Variants in SORCS2 observed in about 807,000 individuals in gnomAD.
SORCS2 encodes VPS10 domain-containing receptor SorCS2.
SORCS2 carries 100 observed loss-of-function variants against 141.6 expected under a neutral mutation model. That is an observed-to-expected ratio of 0.71 (90% CI 0.60 to 0.83). SORCS2 has a LOEUF of 0.83. Among genes scored for constraint, SORCS2 ranks in the 40% least tolerant of loss-of-function variants. The pLI is 0.00. For missense variants in SORCS2, 1,646 were observed against 1,560.2 expected (o/e 1.05, Z -0.93); for synonymous variants, 789 against 676.9 (o/e 1.17, Z -2.57).
intron 1 of SORCS2, among the ~76,000 whole-genome samples, chr4:7,221,568 G>C (rs917065308): frequency 2.0e-5 from 3 of 152,236 alleles, no homozygotes; most frequent in African/African-American, 7.2e-5. Context: ...CAGGGATGTC[G>C]GGTGGAGCAG....
In SORCS2 at chr4:7,567,366, G is replaced by A. The variant is rs77690951; in HGVS notation, c.648+35737G>A. Among the ~76,000 whole-genome samples the A allele has an allele frequency of 7.5e-3, 1,130 of 150,608 alleles. 16 individuals are homozygous for A. The highest frequency in any genetic ancestry group is 0.024 in the African/African-American group (983 of 40,444). ...TAGTCATTATGTCTGCTTCGGCTCCGCCTGGCTGTGACAGTTTCTCAGACT... is the reference window on the plus strand; with the variant it reads ...TAGTCATTATGTCTGCTTCGGCTCCACCTGGCTGTGACAGTTTCTCAGACT... On this transcript the variant is annotated intron_variant, in intron 3 of 26. Coordinates refer to ENST00000507866, the MANE Select transcript of SORCS2 (RefSeq NM_020777.3).
intron 4 of SORCS2, among the ~76,000 whole-genome samples, chr4:7,643,581 T>C (rs1720872757): frequency 6.6e-6 from 1 of 152,196 alleles, no homozygotes; most frequent in Admixed American, 6.5e-5. Flanking sequence ...GGAGGAGGAA[T>C]GTTCGAACAG....
chr4:7,433,202 C>T (rs539506664), intron 2 of SORCS2: 3 of 1,163,808 alleles, frequency 2.6e-6, no homozygotes, highest in South Asian at 5.9e-5. Flanking sequence ...CAGCTCTGCT[C>T]CTTCCCAGCC....
At chr4:7,389,323 G>A (rs532241532) in intron 1 of SORCS2, among the ~76,000 whole-genome samples, 1 of 152,120 alleles carries the variant, frequency 6.6e-6, no homozygotes, top group South Asian at 2.1e-4. Flanking sequence ...GTGTGATCCC[G>A]GGACAGGCGA....
intron 2 of SORCS2, among the ~76,000 whole-genome samples, chr4:7,530,325 G>A (rs1340435237): frequency 2.0e-5 from 3 of 152,220 alleles, no homozygotes; most frequent in African/African-American, 4.8e-5. Flanking sequence ...GCCAGGTGCT[G>A]GGGTCTGAGG....
Position 7,664,369 on chromosome 4 carries a change from C to T in SORCS2, c.969C>T (p.Thr323=). The change falls in exon 7 of 27, where the codon ACC becomes ACT. Residue 323 remains threonine (T), a synonymous_variant. Transcript: ENST00000507866. The surrounding 1 kb of genome is among the most constrained non-coding windows in gnomAD (Gnocchi z 4.7). ...CTCCTGTAGATTTTCGGTACGTCAC[C>T]TGCGCAATCCACAATTGCTCCGAGA... The part of the protein sequence containing the change: ...QDLGGDFRYV[T]CAIHNCSEKM... The T allele has an allele frequency of 6.2e-7, 1 of 1,613,762 alleles. No individual in the cohort carries two copies. The highest frequency in any genetic ancestry group is 8.5e-7 in the Non-Finnish European group (1 of 1,179,780).
At chr4:7,221,652 G>A (rs1344818499) in intron 1 of SORCS2, among the ~76,000 whole-genome samples, 1 of 152,212 alleles carries the variant, frequency 6.6e-6, no homozygotes, top group African/African-American at 2.4e-5. Flanking sequence ...GCGAAGGAAA[G>A]ACAGAAGCTT....
chr4:7,480,597 C>T (rs534453957), intron 2 of SORCS2, among the ~76,000 whole-genome samples: 13 of 152,358 alleles, frequency 8.5e-5, no homozygotes, highest in African/African-American at 2.6e-4. Context: ...TTGGCCTCAA[C>T]AGAGTGAGGA....
At chr4:7,617,173 A>G (rs930028002) in intron 3 of SORCS2, among the ~76,000 whole-genome samples, 3 of 152,106 alleles carry the variant, frequency 2.0e-5, no homozygotes, top group African/African-American at 7.2e-5. Context: ...CATCTATCCA[A>G]GTGCCATTGA....
chr4:7,705,245 A>G (rs1725353530), intron 14 of SORCS2, among the ~76,000 whole-genome samples: 1 of 152,040 alleles, frequency 6.6e-6, no homozygotes, highest in Admixed American at 6.5e-5. Flanking sequence ...GGCCCCCAGG[A>G]GCTGGAAGGG....
In SORCS2 at chr4:7,703,282, G is replaced by A. The variant is rs746802886; in HGVS notation, c.1671G>A (p.Val557=). 1.9e-6 allele frequency: 3 copies of A among 1,611,000 alleles called. No homozygotes were observed. The highest frequency in any genetic ancestry group is 2.2e-5 in the East Asian group (1 of 44,808). ...TSDCGHTWRQ[V]FEEEHHILYL... ...AGCCACACCACTCTCCTCTGCAGGT[G>A]TTTGAGGAAGAGCATCACATCCTGT... is the stretch of plus-strand genomic sequence containing the variant. Residue 557 remains valine (V), a splice_region_variant and synonymous_variant, in exon 13 of 27, where the codon GTG becomes GTA. Transcript: ENST00000507866.
intron 2 of SORCS2, among the ~76,000 whole-genome samples, chr4:7,427,956 A>T (rs1577543761): frequency 6.7e-6 from 1 of 148,424 alleles, no homozygotes; most frequent in African/African-American, 2.5e-5. Context: ...GGGCGGGGGG[A>T]TGGAGGTTGC....
intron 1 of SORCS2, among the ~76,000 whole-genome samples, chr4:7,199,254 G>C (rs1727352517): frequency 6.6e-6 from 1 of 152,194 alleles, no homozygotes; most frequent in African/African-American, 2.4e-5. Context: ...AGCGGGGTGG[G>C]GGCAGAGAGC....
intron 3 of SORCS2, among the ~76,000 whole-genome samples, chr4:7,553,785 T>C (rs1359156286): frequency 6.6e-6 from 1 of 152,178 alleles, no homozygotes; most frequent in Non-Finnish European, 1.5e-5. Context: ...TGTATGTCAA[T>C]CATGACTGAT....
chr4:7,353,293 G>A (rs1721059550), intron 1 of SORCS2, among the ~76,000 whole-genome samples: 1 of 152,182 alleles, frequency 6.6e-6, no homozygotes, highest in Non-Finnish European at 1.5e-5. Context: ...GACCCAAGTG[G>A]GCTGGCAGGG....
chr4:7,292,070 A>C (rs1716640364), intron 1 of SORCS2, among the ~76,000 whole-genome samples: 1 of 152,182 alleles, frequency 6.6e-6, no homozygotes, highest in Non-Finnish European at 1.5e-5. Flanking sequence ...GGGAAACCAG[A>C]CCAGCCTCAC....
chr4:7,388,057 C>T (rs1438394855), intron 1 of SORCS2, among the ~76,000 whole-genome samples: 2 of 151,902 alleles, frequency 1.3e-5, no homozygotes, highest in Non-Finnish European at 2.9e-5. Context: ...CATGCACACA[C>T]ATACAGTTAC....
rs1033710003 is a variant in SORCS2, at chr4:7,194,743, G to A, written c.480+1617G>A. Among the ~76,000 whole-genome samples the A allele has an allele frequency of 1.4e-4, 22 of 152,180 alleles. 1 individual carries two copies. Among genetic ancestry groups the A allele is most frequent in the Non-Finnish European group, 2.9e-4 (20 of 68,032 alleles). On this transcript the variant is annotated intron_variant, in intron 1 of 26. Coordinates refer to ENST00000507866, the MANE Select transcript of SORCS2 (RefSeq NM_020777.3). ...TGCCAGGTACTTGTGAACAAACGGTGTGTGCTCTACCATAAGCTCTAACTC... is the reference window on the plus strand; with the variant it reads ...TGCCAGGTACTTGTGAACAAACGGTATGTGCTCTACCATAAGCTCTAACTC...
intron 1 of SORCS2, among the ~76,000 whole-genome samples, chr4:7,306,753 G>A (rs1201473779): frequency 6.6e-6 from 1 of 152,150 alleles, no homozygotes; most frequent in African/African-American, 2.4e-5. Context: ...GCAGTGCACC[G>A]TGCAGAGTCG....
Sources: allele counts gnomAD v4.1 joint callset (sites outside exome capture counted in the v4.1 genomes callset), GRCh38; gene constraint gnomAD v4.1.1; non-coding constraint Gnocchi (gnomAD v3.1); transcripts MANE v1.5; gene names NCBI Gene and HGNC (gene_info 2026-07-23, HGNC 2026-07-21).